Variants in INTS8 observed in about 807,000 individuals in gnomAD.
The protein encoded by INTS8 is integrator complex subunit 8, also known as protein kaonashi-1.
INTS8 carries 47 observed loss-of-function variants against 138.9 expected under a neutral mutation model. The ratio of observed to expected loss-of-function variants is 0.34; its 90% CI spans 0.27 to 0.43. The LOEUF (loss-of-function observed/expected upper bound fraction) is 0.43, where lower values mean the gene tolerates loss of function less well. Ranked by LOEUF, INTS8 falls within the 20% of genes least tolerant of loss-of-function variation. The probability of loss-of-function intolerance (pLI) is 1.00; values close to 1 mark genes in which losing one functional copy is unlikely to be tolerated. For synonymous variants in INTS8, 392 were observed against 400.9 expected, an observed-to-expected ratio of 0.98 and a Z score of 0.27; for missense variants, 996 against 1,173.0, an observed-to-expected ratio of 0.85 and a Z score of 2.20.
chr8:94,870,261 C>T (rs555401270), intron 20 of INTS8, among the ~76,000 whole-genome samples: 1 of 152,100 alleles, frequency 6.6e-6, no homozygotes, highest in African/African-American at 2.4e-5. Flanking sequence ...CCATGTTAGC[C>T]AGGATGATGT....
intron 26 of INTS8, 195 bp from the exon 27 acceptor site, chr8:94,879,923 C>T (rs890634057): frequency 1.2e-4 from 48 of 406,664 alleles, no homozygotes; most frequent in Non-Finnish European, 1.9e-4. Context: ...GCTCAGCAGT[C>T]CATCTTTCCT....
rs567359415 is a variant in INTS8, at chr8:94,846,336, G to A, written c.1261-3126G>A. 9.1e-4 allele frequency among the ~76,000 whole-genome samples: 138 copies of A among 152,218 alleles called. 6 individuals are homozygous for A. Among genetic ancestry groups the A allele is most frequent in the Non-Finnish European group, 6.6e-4 (45 of 68,004 alleles). ...GTTGCCCAGGCTGCAGTGCAATGGC[G>A]TGATCTCTGCTTGGCGCAACCTCTG... On this transcript the variant is annotated intron_variant, in intron 10 of 26. Coordinates refer to ENST00000523731, the MANE Select transcript of INTS8 (RefSeq NM_017864.4).
intron 21 of INTS8, among the ~76,000 whole-genome samples, 187 bp from the exon 22 acceptor site, chr8:94,873,187 T>G (rs1169597814): frequency 6.6e-6 from 1 of 152,228 alleles, no homozygotes; most frequent in East Asian, 1.9e-4. Context: ...ATTTGGGAAA[T>G]AAAATCTCCA....
chr8:94,863,066 G>A (rs1816052462), intron 16 of INTS8, among the ~76,000 whole-genome samples: 1 of 152,150 alleles, frequency 6.6e-6, no homozygotes, highest in African/African-American at 2.4e-5. Context: ...ATATAAAACT[G>A]TCTAGTCTGC....
chr8:94,867,440 A>G, intron 20 of INTS8, 103 bp downstream of exon 20: 1 of 798,158 alleles, frequency 1.3e-6, no homozygotes, highest in Non-Finnish European at 2.1e-6. Flanking sequence ...AGGGCCAGAA[A>G]TCTAAGATTC....
chr8:94,838,044 CTTT>C (rs776858651), intron 7 of INTS8, among the ~76,000 whole-genome samples: 2 of 134,310 alleles, frequency 1.5e-5, no homozygotes, highest in African/African-American at 2.8e-5. Flanking sequence ...TTTTTCTTTT[CTTT>C]TTTTTTTTTT....
chr8:94,866,401 T>C, intron 18 of INTS8: 2 of 537,106 alleles, frequency 3.7e-6, no homozygotes, highest in Admixed American at 3.0e-5. Flanking sequence ...TAAGCAGTCC[T>C]CCTGCCTCAG....
intron 2 of INTS8, among the ~76,000 whole-genome samples, chr8:94,826,805 A>T (rs1006938347): frequency 2.6e-5 from 4 of 152,162 alleles, no homozygotes; most frequent in East Asian, 3.9e-4. Context: ...AAAAAGTTTT[A>T]AAAATCTTTT....
chr8:94,833,167 T>C (rs1488977887), intron 6 of INTS8, among the ~76,000 whole-genome samples: 1 of 152,132 alleles, frequency 6.6e-6, no homozygotes, highest in African/African-American at 2.4e-5. Flanking sequence ...TCTTTCCTTA[T>C]TCGTATGAGT....
At chr8:94,826,238 T>C (rs1814494825) in intron 2 of INTS8, among the ~76,000 whole-genome samples, 1 of 152,220 alleles carries the variant, frequency 6.6e-6, no homozygotes, top group Admixed American at 6.5e-5. Context: ...AAAAACCCTC[T>C]TTTTAACCAC....
At chr8:94,875,643 T>C (rs1012159067) in intron 23 of INTS8, among the ~76,000 whole-genome samples, 1 of 152,226 alleles carries the variant, frequency 6.6e-6, no homozygotes, top group Non-Finnish European at 1.5e-5. Flanking sequence ...TAAAAACTAT[T>C]TTTTAAAGAG....
Position 94,842,494 on chromosome 8 carries a change from A to T in INTS8, c.1260+6A>T. The T allele has an allele frequency of 6.3e-7, 1 of 1,592,498 alleles. No homozygotes were observed. The highest frequency in any genetic ancestry group is 1.1e-5 in the South Asian group (1 of 87,904). ...AAATAGACTTTCTTCTTGAGGTATG[A>T]CATGTTTTTCTTTCCCCTTTTGATT... On this transcript the variant is annotated splice_donor_region_variant and intron_variant, in intron 10 of 26. Coordinates refer to ENST00000523731, the MANE Select transcript of INTS8 (RefSeq NM_017864.4).
chr8:94,833,809 T>C (rs1179906688), intron 6 of INTS8, among the ~76,000 whole-genome samples: 2 of 152,368 alleles, frequency 1.3e-5, no homozygotes, highest in Non-Finnish European at 1.5e-5. Flanking sequence ...TTCACTCTTG[T>C]TGCCCAGACT....
intron 6 of INTS8, among the ~76,000 whole-genome samples, chr8:94,835,428 G>A (rs972078825): frequency 6.6e-6 from 1 of 152,074 alleles, no homozygotes; most frequent in African/African-American, 2.4e-5. Context: ...TACAAATTCT[G>A]TCATAGAAAC....
chr8:94,880,057 T>C lies in INTS8; in HGVS notation c.2872-61T>C. On this transcript the variant is annotated intron_variant, in intron 26 of 26. Coordinates refer to ENST00000523731, the MANE Select transcript of INTS8 (RefSeq NM_017864.4). ...AGCACGTAGGTAGCTTTATATTACT[T>C]GTACCAACAAAACTTAATTTTTGAC... The C allele has an allele frequency of 2.7e-6, 3 of 1,124,428 alleles. No individual in the cohort carries two copies. In the South Asian group the frequency reaches 4.1e-5, roughly 15 times the overall value. 69.7% of individuals were successfully genotyped at this position (1,124,428 alleles called of 1,614,324 possible). A position where few individuals can be genotyped will look rare whatever the true frequency, so the allele number is the denominator to read the frequency against.
chr8:94,863,805 C>T (rs914664914), intron 16 of INTS8, among the ~76,000 whole-genome samples: 19 of 152,232 alleles, frequency 1.2e-4, no homozygotes, highest in African/African-American at 4.6e-4. Flanking sequence ...TGGCATTACA[C>T]TGCAGTGAAT....
intron 18 of INTS8, chr8:94,866,714 A>G (rs897523309): frequency 5.8e-6 from 1 of 171,526 alleles, no homozygotes; most frequent in Non-Finnish European, 1.2e-5. Context: ...CGGAGCAGGT[A>G]TTTCTTTAAA....
At chr8:94,859,261 A>T (rs1285299822) in intron 15 of INTS8, among the ~76,000 whole-genome samples, 1 of 151,386 alleles carries the variant, frequency 6.6e-6, no homozygotes, top group Non-Finnish European at 1.5e-5. Context: ...ATCCTGGGCG[A>T]CAGAGTGAGA....
rs750921160 is a variant in INTS8 at position 94,849,522 on chromosome 8, G to A, written c.1321G>A (p.Ala441Thr). Reference sequence around the variant, plus strand: ...AGAGTCTTTGAAAGGAAACATGGCTGCTTTTCTAAAGTAAGTACCTTTCTT... The same window carrying A: ...AGAGTCTTTGAAAGGAAACATGGCTACTTTTCTAAAGTAAGTACCTTTCTT... The part of the protein sequence containing the change: ...ASESLKGNMA[A>T]FLKNVCLGLE... The change falls in exon 11 of 27, where the codon GCT (alanine) becomes ACT (threonine). Residue 441 changes from alanine to threonine, a missense_variant. Transcript: ENST00000523731. The A allele has an allele frequency of 6.5e-7, 1 of 1,548,102 alleles. No homozygotes were observed. The highest frequency in any genetic ancestry group is 1.2e-5 in the South Asian group (1 of 82,508).
Sources: gnomAD v4.1 joint callset for allele counts (sites outside exome capture counted in the v4.1 genomes callset) on GRCh38, gnomAD v4.1.1 for gene constraint, MANE v1.5 for transcripts, NCBI Gene and HGNC (gene_info 2026-07-23, HGNC 2026-07-21) for gene names.